Variants in MCOLN3 observed in about 807,000 individuals in gnomAD.
The protein encoded by MCOLN3 is mucolipin-3.
A neutral mutation model predicts 69.4 loss-of-function variants in MCOLN3; 62 were observed. That is an observed-to-expected ratio of 0.89 (90% CI 0.73 to 1.10). The LOEUF (loss-of-function observed/expected upper bound fraction) is 1.10, where lower values mean the gene tolerates loss of function less well. Among genes scored for constraint, MCOLN3 ranks in the 50% least tolerant of loss-of-function variants. The pLI is 0.00. For synonymous variants in MCOLN3, 183 were observed against 217.0 expected (o/e 0.84, Z 1.38); for missense variants, 564 against 656.4 (o/e 0.86, Z 1.54).
Position 85,034,072 on chromosome 1 carries a change from G to C in MCOLN3, c.550+26C>G, listed in dbSNP as rs750554021. The C allele has an allele frequency of 1.9e-6, 3 of 1,609,156 alleles. No homozygotes were observed. The African/African-American group carries it at 4.0e-5, about 22-fold the overall frequency. On this transcript the variant is annotated intron_variant, in intron 4 of 12. Coordinates refer to ENST00000370589, the MANE Select transcript of MCOLN3 (RefSeq NM_018298.11). Reference sequence around the variant, plus strand: ...TATAAATTGAGGTGTTAAAAATTGAGGTTCTAGGTTATAGAAGAACATCAC... The same window carrying C: ...TATAAATTGAGGTGTTAAAAATTGACGTTCTAGGTTATAGAAGAACATCAC...
Position 85,021,077 on chromosome 1 carries a change from GT to G in MCOLN3, c.1519del (p.Thr507GlnfsTer33). On this transcript the variant is annotated frameshift_variant, in exon 12 of 13. Transcript: ENST00000370589. LOFTEE classifies it high-confidence loss of function. ...FIALITDTYE[T>X]IKQYQQDGFP... ...GGCTCTTGATAAACCTACCTTAATT[GT>G]TTCGTATGTATCAGTGATCAGTGCA... The G allele has an allele frequency of 1.9e-6, 3 of 1,605,940 alleles. No homozygotes were observed. The highest frequency in any genetic ancestry group is 1.7e-6 in the Non-Finnish European group (2 of 1,175,838).
At chr1:85,027,807 G>C (rs1652299355) in intron 7 of MCOLN3, among the ~76,000 whole-genome samples, 1 of 152,200 alleles carries the variant, frequency 6.6e-6, no homozygotes, top group Non-Finnish European at 1.5e-5. Flanking sequence ...AAAGTGCGAA[G>C]TCCTGGCCAC....
Position 85,021,261 on chromosome 1 carries a change from T to C in MCOLN3, c.1336A>G (p.Met446Val), listed in dbSNP as rs748580125. ...PYHDKFRSLN[M>V]VSECLFSLIN... ...AGAGAGAAAAGGCACTCAGAGACCA[T>C]GTTCAGAGAACGAAACTGGAAAAAG... Residue 446 changes from methionine to valine, a missense_variant, in exon 12 of 13, where the codon ATG becomes GTG. Transcript: ENST00000370589. The C allele has an allele frequency of 6.2e-6, 10 of 1,610,134 alleles. No individual in the cohort carries two copies. Among genetic ancestry groups the C allele is most frequent in the South Asian group, 2.2e-5 (2 of 89,706 alleles).
In MCOLN3 at chr1:85,034,111, T is replaced by C; in HGVS notation, c.537A>G (p.Pro179=). The change falls in exon 4 of 13, where the codon CCA becomes CCG. Residue 179 remains proline (P), a synonymous_variant. Transcript: ENST00000370589. ...YPGNDTFDID[P]EIETECFFVE... is the part of the protein sequence containing the mutation. ...GAAGAACATCACCAGTTTCAATTTCTGGATCGATGTCAAAGGTATCATTTC... is the reference window on the plus strand; with the variant it reads ...GAAGAACATCACCAGTTTCAATTTCCGGATCGATGTCAAAGGTATCATTTC... 2 of 1,614,222 alleles carry C rather than the reference T, an allele frequency of 1.2e-6. No individual in the cohort carries two copies. Among genetic ancestry groups the C allele is most frequent in the Non-Finnish European group, 1.7e-6 (2 of 1,180,026 alleles).
intron 1 of MCOLN3, 124 bp downstream of exon 1, chr1:85,048,272 G>C (rs1204101307): frequency 6.6e-6 from 1 of 152,226 alleles, no homozygotes; most frequent in Admixed American, 6.6e-5. Context: ...CCGACTGCCC[G>C]GCCCGGCCTT....
intron 3 of MCOLN3, among the ~76,000 whole-genome samples, chr1:85,035,427 C>T (rs7545349): frequency 0.05 from 7,683 of 152,262 alleles, 223 homozygotes; most frequent in African/African-American, 0.077. Context: ...TACATGATGC[C>T]TATGGTGTCT....
At chr1:85,040,651 T>C (rs765342812) in intron 3 of MCOLN3, among the ~76,000 whole-genome samples, 7 of 152,160 alleles carry the variant, frequency 4.6e-5, no homozygotes, top group South Asian at 2.1e-4. Context: ...TCATTATTTG[T>C]TAAGAGGCCC....
chr1:85,035,281 C>T (rs1452622687), intron 3 of MCOLN3, among the ~76,000 whole-genome samples: 3 of 152,192 alleles, frequency 2.0e-5, no homozygotes, highest in Non-Finnish European at 4.4e-5. Context: ...AGGCCTTGAC[C>T]TCTATCCACA....
intron 6 of MCOLN3, among the ~76,000 whole-genome samples, chr1:85,032,006 G>A (rs2102929441): frequency 6.6e-6 from 1 of 152,252 alleles, no homozygotes. Flanking sequence ...AACCCGGGAG[G>A]CGGAGCTTGC....
intron 3 of MCOLN3, among the ~76,000 whole-genome samples, chr1:85,039,634 C>G (rs1652962716): frequency 6.6e-6 from 1 of 152,120 alleles, no homozygotes; most frequent in African/African-American, 2.4e-5. Context: ...GTGCCAAATA[C>G]TACATTTTGA....
At chr1:85,044,235 T>C (rs912185411) in intron 2 of MCOLN3, among the ~76,000 whole-genome samples, 1 of 152,232 alleles carries the variant, frequency 6.6e-6, no homozygotes, top group African/African-American at 2.4e-5. Context: ...CTTCATATGA[T>C]TGTAAAAATT....
At chr1:85,022,525 G>A in intron 9 of MCOLN3, 125 bp from the exon 10 acceptor site, 1 of 620,130 alleles carries the variant, frequency 1.6e-6, no homozygotes, top group South Asian at 2.2e-5. Flanking sequence ...ACAAACAAAA[G>A]TCTCTGCTCT....
intron 2 of MCOLN3, among the ~76,000 whole-genome samples, chr1:85,042,759 T>C (rs1653135212): frequency 6.6e-6 from 1 of 152,206 alleles, no homozygotes; most frequent in African/African-American, 2.4e-5. Flanking sequence ...TAAACATCTT[T>C]CTTTTGCTGC....
rs1383535614 is a variant in MCOLN3 at position 85,048,001 on chromosome 1, G to A, written c.-3+395C>T. On this transcript the variant is annotated intron_variant, in intron 1 of 12. Coordinates refer to ENST00000370589, the MANE Select transcript of MCOLN3 (RefSeq NM_018298.11). ...CGCCTTGAAAGGGGCCAGCCGAGCC[G>A]CGTCAAGGCCATCTGGAGCCCCGGC... 2.6e-5 allele frequency among the ~76,000 whole-genome samples: 4 copies of A among 152,216 alleles called. No individual in the cohort carries two copies. In the East Asian group the frequency reaches 5.8e-4, roughly 22 times the overall value.
At chr1:85,036,471 G>T (rs1652808102) in intron 3 of MCOLN3, among the ~76,000 whole-genome samples, 1 of 152,176 alleles carries the variant, frequency 6.6e-6, no homozygotes, top group African/African-American at 2.4e-5. Context: ...TTACAGGCAT[G>T]AGCCACCGTA....
chr1:85,020,569 C>G (rs959609382), intron 12 of MCOLN3, among the ~76,000 whole-genome samples: 2 of 152,224 alleles, frequency 1.3e-5, no homozygotes, highest in Non-Finnish European at 2.9e-5. Context: ...TAGTACTGGA[C>G]CCATTAATCC....
At chr1:85,041,349 A>G (rs1371513868) in intron 2 of MCOLN3, among the ~76,000 whole-genome samples, 172 bp from the exon 3 acceptor site, 1 of 152,210 alleles carries the variant, frequency 6.6e-6, no homozygotes, top group Non-Finnish European at 1.5e-5. Flanking sequence ...AAGTCCTATG[A>G]CCAAACTATA....
chr1:85,021,129 T>C lies in MCOLN3; in HGVS notation c.1468A>G (p.Ile490Val), dbSNP rs1201043379. ...ATGAAAAGACTTAAAATCATATATA[T>C]AAAGAGGCTGATGAATGAGTAGAGG... ...IYLYSFISLF[I>V]YMILSLFIAL... The change falls in exon 12 of 13, where the codon ATA becomes GTA. Residue 490 changes from isoleucine (I) to valine (V), a missense_variant. By Grantham distance (29) the Ile-to-Val change is conservative. Transcript: ENST00000370589. 5.6e-6 allele frequency: 9 copies of C among 1,612,612 alleles called. No homozygotes were observed. The highest frequency in any genetic ancestry group is 2.2e-5 in the South Asian group (2 of 90,982).
chr1:85,023,956 T>C (rs1052755624), intron 9 of MCOLN3, among the ~76,000 whole-genome samples: 2 of 152,126 alleles, frequency 1.3e-5, no homozygotes, highest in African/African-American at 4.8e-5. Context: ...AGTTGGTTAT[T>C]GGACTTATCA....
Sources: allele counts gnomAD v4.1 joint callset (sites outside exome capture counted in the v4.1 genomes callset), GRCh38; gene constraint gnomAD v4.1.1; transcripts MANE v1.5; gene names NCBI Gene and HGNC (gene_info 2026-07-23, HGNC 2026-07-21).